L3MBTL4: variants seen among roughly 807,000 people sequenced by gnomAD.
L3MBTL4 encodes the protein lethal(3)malignant brain tumor-like protein 4.
Under a neutral mutation model 84.5 loss-of-function variants are expected in L3MBTL4, and 70 were observed. The ratio of observed to expected loss-of-function variants is 0.83; its 90% CI spans 0.68 to 1.01. The LOEUF (loss-of-function observed/expected upper bound fraction) is 1.01. L3MBTL4 is among the 50% of genes least tolerant of loss of function. The probability of loss-of-function intolerance (pLI) is 0.00; values close to 1 mark genes in which losing one functional copy is unlikely to be tolerated. For missense variants in L3MBTL4, 715 were observed against 754.8 expected, an observed-to-expected ratio of 0.95 and a Z score of 0.62; for synonymous variants, 274 against 259.8, an observed-to-expected ratio of 1.05 and a Z score of -0.52.
chr18:6,303,782 G>A (rs1042058664), intron 3 of L3MBTL4, among the ~76,000 whole-genome samples: 4 of 151,994 alleles, frequency 2.6e-5, no homozygotes, highest in Non-Finnish European at 4.4e-5. Context: ...GAAGGCTGAC[G>A]CGGGAGGATC....
chr18:6,327,904 T>C (rs1401584169), intron 1 of L3MBTL4, among the ~76,000 whole-genome samples: 2 of 152,234 alleles, frequency 1.3e-5, no homozygotes, highest in African/African-American at 2.4e-5. Flanking sequence ...AATATCATCA[T>C]CAAGTAACCA....
At chr18:6,339,405 G>C (rs2052499746) in intron 1 of L3MBTL4, among the ~76,000 whole-genome samples, 1 of 151,950 alleles carries the variant, frequency 6.6e-6, no homozygotes, top group Admixed American at 6.6e-5. Context: ...AATAATCAAA[G>C]AATAAATCAC....
intron 1 of L3MBTL4, among the ~76,000 whole-genome samples, chr18:6,390,545 T>A (rs1033824198): frequency 6.6e-6 from 1 of 152,048 alleles, no homozygotes; most frequent in African/African-American, 2.4e-5. Flanking sequence ...ACCTGGTTCT[T>A]TGAAAAGATA....
chr18:6,332,449 G>T (rs1215595029), intron 1 of L3MBTL4, among the ~76,000 whole-genome samples: 1 of 152,068 alleles, frequency 6.6e-6, no homozygotes, highest in Non-Finnish European at 1.5e-5. Context: ...ATGGTTCCAG[G>T]GTAGGCAGGT....
chr18:5,972,558 G>A (rs996647883), intron 16 of L3MBTL4, among the ~76,000 whole-genome samples: 28 of 152,222 alleles, frequency 1.8e-4, no homozygotes, highest in Middle Eastern at 3.4e-3. Flanking sequence ...AAAGGGAAGC[G>A]GCCTGATTCT....
Position 6,199,352 on chromosome 18 carries a change from C to T in L3MBTL4, c.981+13797G>A, listed in dbSNP as rs140967844. ...TTCCACTTAAATTCATTAAACTCAA[C>T]TGAAATGAAGACTCCAGGTCCTCAG... On this transcript the variant is annotated intron_variant, in intron 12 of 18. Coordinates refer to ENST00000317931, the MANE Select transcript of L3MBTL4 (RefSeq NM_001330559.2). Among the ~76,000 whole-genome samples the T allele has an allele frequency of 4.6e-5, 7 of 152,328 alleles. No homozygotes were observed. In the East Asian group the frequency reaches 1.2e-3, roughly 25 times the overall value.
At chr18:6,220,793 A>T (rs1220603444) in intron 10 of L3MBTL4, among the ~76,000 whole-genome samples, 1 of 152,232 alleles carries the variant, frequency 6.6e-6, no homozygotes, top group Non-Finnish European at 1.5e-5. Flanking sequence ...GTGGCCAAGA[A>T]TGATAGAGAT....
intron 11 of L3MBTL4, among the ~76,000 whole-genome samples, chr18:6,213,904 T>G (rs971609387): frequency 4.6e-5 from 7 of 152,246 alleles, no homozygotes; most frequent in Non-Finnish European, 1.0e-4. Flanking sequence ...TATATTAGTT[T>G]AGTTTTTTTC....
At chr18:6,036,305 T>C (rs1759317205) in intron 16 of L3MBTL4, among the ~76,000 whole-genome samples, 1 of 152,180 alleles carries the variant, frequency 6.6e-6, no homozygotes, top group Admixed American at 6.5e-5. Flanking sequence ...ATTCTCACAA[T>C]GCATAAGCTG....
chr18:6,387,243 G>C (rs995516347), intron 1 of L3MBTL4, among the ~76,000 whole-genome samples: 1 of 152,156 alleles, frequency 6.6e-6, no homozygotes, highest in Non-Finnish European at 1.5e-5. Context: ...TAAGGCTGTC[G>C]TCTCTGTGCT....
At chr18:6,074,323 A>G (rs994370247) in intron 16 of L3MBTL4, among the ~76,000 whole-genome samples, 7 of 152,046 alleles carry the variant, frequency 4.6e-5, no homozygotes, top group Non-Finnish European at 7.4e-5. Context: ...CTGTACTTTC[A>G]TATTTGTTGG....
At chr18:6,150,901 T>C (rs2042864852) in intron 13 of L3MBTL4, among the ~76,000 whole-genome samples, 1 of 152,216 alleles carries the variant, frequency 6.6e-6, no homozygotes, top group African/African-American at 2.4e-5. Context: ...GCTCCCATGA[T>C]ACAGTCTAAC....
intron 4 of L3MBTL4, among the ~76,000 whole-genome samples, chr18:6,296,396 G>C (rs912389159): frequency 3.9e-5 from 6 of 152,148 alleles, no homozygotes; most frequent in African/African-American, 1.4e-4. Context: ...CTTCTTAAAA[G>C]ACATCTAACT....
chr18:6,405,371 G>C (rs2055684322), intron 1 of L3MBTL4, among the ~76,000 whole-genome samples: 1 of 152,232 alleles, frequency 6.6e-6, no homozygotes, highest in South Asian at 2.1e-4. Flanking sequence ...AACAAAAGCT[G>C]GCGTGAAGGT....
At chr18:6,225,687 G>A (rs1323011892) in intron 10 of L3MBTL4, among the ~76,000 whole-genome samples, 1 of 151,210 alleles carries the variant, frequency 6.6e-6, no homozygotes, top group African/African-American at 2.4e-5. Context: ...CTGAGCCTGG[G>A]AGGCAGAAAT....
At chr18:6,205,062 T>C (rs1432981984) in intron 12 of L3MBTL4, among the ~76,000 whole-genome samples, 1 of 152,208 alleles carries the variant, frequency 6.6e-6, no homozygotes, top group Non-Finnish European at 1.5e-5. Flanking sequence ...ATAGGTCCCG[T>C]AACATGGCAA....
At chr18:5,997,988 T>C (rs1459086932) in intron 16 of L3MBTL4, among the ~76,000 whole-genome samples, 2 of 152,196 alleles carry the variant, frequency 1.3e-5, no homozygotes, top group African/African-American at 4.8e-5. Context: ...TTTCCTTAGT[T>C]GTGTTTTCTT....
At chr18:6,382,272 A>G (rs980321062) in intron 1 of L3MBTL4, among the ~76,000 whole-genome samples, 1 of 152,164 alleles carries the variant, frequency 6.6e-6, no homozygotes, top group African/African-American at 2.4e-5. Flanking sequence ...GCATTGGGTT[A>G]GAGCATGCTC....
At chr18:5,990,195 A>G (rs2053629428) in intron 16 of L3MBTL4, among the ~76,000 whole-genome samples, 2 of 152,224 alleles carry the variant, frequency 1.3e-5, no homozygotes. Flanking sequence ...ATCTTGTTCT[A>G]CAGGAAGGTT....
Sources: gnomAD v4.1 joint callset for allele counts (sites outside exome capture counted in the v4.1 genomes callset) on GRCh38, gnomAD v4.1.1 for gene constraint, MANE v1.5 for transcripts, NCBI Gene and HGNC (gene_info 2026-07-23, HGNC 2026-07-21) for gene names.